The following ESCO1 variants were observed in gnomAD, a reference collection of about 807,000 sequenced individuals.
ESCO1 encodes establishment of sister chromatid cohesion N-acetyltransferase 1.
In ESCO1, 33 loss-of-function variants were observed where a neutral mutation model predicts 83.5. The observed-to-expected ratio is 0.40, with a 90% CI of 0.30 to 0.53. ESCO1 has a LOEUF of 0.53. ESCO1 is among the 20% of genes least tolerant of loss of function. ESCO1 has a pLI of 0.63. For synonymous variants in ESCO1, 332 were observed against 324.3 expected (o/e 1.02, Z -0.25); for missense variants, 855 against 968.0 (o/e 0.88, Z 1.55).
chr18:21,580,474 T>C (rs2038486929), intron 2 of ESCO1, among the ~76,000 whole-genome samples: 1 of 152,140 alleles, frequency 6.6e-6, no homozygotes, highest in Non-Finnish European at 1.5e-5. Context: ...GAGTCTAGAA[T>C]ATTTTTCAGA....
chr18:21,556,727 G>A (rs990908526), intron 8 of ESCO1, among the ~76,000 whole-genome samples: 2 of 151,830 alleles, frequency 1.3e-5, no homozygotes, highest in Admixed American at 6.6e-5. Context: ...TTGAGATGGA[G>A]TCTCGCTATG....
At chr18:21,582,676 A>G (rs1041777173) in intron 2 of ESCO1, among the ~76,000 whole-genome samples, 8 of 152,244 alleles carry the variant, frequency 5.3e-5, no homozygotes, top group African/African-American at 1.9e-4. Context: ...ATTTACAGGG[A>G]AACAACTACA....
chr18:21,579,797 C>A, intron 2 of ESCO1, among the ~76,000 whole-genome samples: 1 of 10,608 alleles, frequency 9.4e-5, no homozygotes, highest in African/African-American at 1.3e-4. Context: ...CGCGCGCGCA[C>A]ACACACACAC....
At chr18:21,553,790 G>A (rs1181137924) in intron 8 of ESCO1, among the ~76,000 whole-genome samples, 1 of 150,808 alleles carries the variant, frequency 6.6e-6, no homozygotes, top group African/African-American at 2.4e-5. Flanking sequence ...CCGAGAGGTG[G>A]AGGTTGCAGT....
intron 2 of ESCO1, among the ~76,000 whole-genome samples, chr18:21,579,802 A>ATG (rs1568109910): frequency 6.9e-5 from 4 of 58,260 alleles, no homozygotes; most frequent in African/African-American, 1.8e-4. Context: ...GCGCACACAC[A>ATG]CACACACACA....
At chr18:21,557,803 G>A (rs1484961007) in intron 8 of ESCO1, among the ~76,000 whole-genome samples, 2 of 152,134 alleles carry the variant, frequency 1.3e-5, no homozygotes, top group South Asian at 4.1e-4. Context: ...TTGCAACGTG[G>A]CTCAATATGT....
chr18:21,574,081 C>A lies in ESCO1; in HGVS notation c.763G>T (p.Val255Leu), dbSNP rs1471316781. 2 of 1,612,738 alleles carry A rather than the reference C, an allele frequency of 1.2e-6. No homozygotes were observed. Among genetic ancestry groups the A allele is most frequent in the Middle Eastern group, 1.6e-4 (1 of 6,084 alleles). The change falls in exon 4 of 12, where the codon GTG becomes TTG. Residue 255 changes from valine (V) to leucine (L), a missense_variant. This residue lies in a region of ESCO1 where 726 missense variants were observed against 699.5 expected (regional missense o/e 1.04). Transcript: ENST00000269214. ...TTCATCTCATTCTTTTTCGGGACCA[C>A]TGAAGTAGCCATTTTTGATCTTTTC... The part of the protein sequence containing the change: ...EVKRSKMATS[V>L]VPKKNEMKKS...
chr18:21,540,869 C>T (rs886336956), intron 8 of ESCO1, among the ~76,000 whole-genome samples: 1 of 152,048 alleles, frequency 6.6e-6, no homozygotes, highest in Non-Finnish European at 1.5e-5. Flanking sequence ...AAAGGCCTTT[C>T]CAGAAGCCAT....
At chr18:21,536,286 C>T (rs538070159) in intron 9 of ESCO1, 101 bp from the exon 10 acceptor site, 375 of 1,329,308 alleles carry the variant, frequency 2.8e-4, no homozygotes, top group Non-Finnish European at 3.6e-4. Context: ...CCAAGCAGGG[C>T]ATCCTCTAAA....
chr18:21,584,486 T>G (rs2038546202), intron 1 of ESCO1, 46 bp from the exon 2 acceptor site: 1 of 151,282 alleles, frequency 6.6e-6, no homozygotes, highest in African/African-American at 2.4e-5. Flanking sequence ...AACTGATACA[T>G]TAAAACAACT....
chr18:21,550,816 G>A (rs1210944254), intron 8 of ESCO1, among the ~76,000 whole-genome samples: 1 of 152,138 alleles, frequency 6.6e-6, no homozygotes, highest in Admixed American at 6.5e-5. Flanking sequence ...CCCAATAAAT[G>A]AAAAAGCACG....
At chr18:21,584,238 A>G (rs2038542454) in intron 2 of ESCO1, 72 bp downstream of exon 2, 1 of 152,166 alleles carries the variant, frequency 6.6e-6, no homozygotes, top group Non-Finnish European at 1.5e-5. Context: ...TTCTCTGAAA[A>G]TATAAAATAT....
chr18:21,541,380 G>T (rs973327593), intron 8 of ESCO1, among the ~76,000 whole-genome samples: 2 of 152,008 alleles, frequency 1.3e-5, no homozygotes, highest in Non-Finnish European at 2.9e-5. Flanking sequence ...AGATCACAAG[G>T]TCAGGAGATT....
chr18:21,545,632 A>T (rs866753366), intron 8 of ESCO1, among the ~76,000 whole-genome samples: 15 of 151,852 alleles, frequency 9.9e-5, no homozygotes, highest in Admixed American at 6.6e-5. Flanking sequence ...ATAGTAATTT[A>T]AAAAGTTAAG....
chr18:21,567,948 A>G, intron 5 of ESCO1, 32 bp downstream of exon 5: 1 of 1,529,642 alleles, frequency 6.5e-7, no homozygotes, highest in Non-Finnish European at 9.0e-7. Context: ...ACTGAAGACT[A>G]TGAAATCCAA....
intron 1 of ESCO1, among the ~76,000 whole-genome samples, chr18:21,588,099 C>CAAAAAAAAAAAAAAAAAA (rs200101799): frequency 1.2e-5 from 1 of 82,672 alleles, no homozygotes. Context: ...GGATCCATCT[C>CAAAAAAAAAAAAAAAAAA]AAAAAAAAAA....
Position 21,560,971 on chromosome 18 carries a change from A to T in ESCO1, c.1841T>A (p.Phe614Tyr), listed in dbSNP as rs772451105. The T allele has an allele frequency of 6.3e-7, 1 of 1,593,224 alleles. No individual in the cohort carries two copies. Residue 614 changes from phenylalanine to tyrosine, a missense_variant, in exon 8 of 12, where the codon TTT (phenylalanine) becomes TAT (tyrosine). Phe to Tyr is a conservative substitution (Grantham distance 22). Around this residue, in one of 2 missense-constraint regions of ESCO1, gnomAD observed 726 missense variants for 699.5 expected, o/e 1.04. Transcript: ENST00000269214. ...QLIIDAGQKR[F>Y]GAVSCNVCGM... The stretch of plus-strand genomic sequence containing the variant: ...ACAAACATTACAAGAAACTGCTCCA[A>T]ATCTTTTTTGTCCTGCATCCTATTT...
Position 21,544,090 on chromosome 18 carries a change from G to A in ESCO1, c.1954-4081C>T, listed in dbSNP as rs542545356. 8.6e-5 allele frequency among the ~76,000 whole-genome samples: 13 copies of A among 151,922 alleles called. No individual in the cohort carries two copies. The East Asian group carries it at 1.4e-3, about 16-fold the overall frequency. ...AGATCGAGACCATCCTGGCTAACAC[G>A]GTGAAACCCTGTCTCTACTAAAAAT... On this transcript the variant is annotated intron_variant, in intron 8 of 11. Coordinates refer to ENST00000269214, the MANE Select transcript of ESCO1 (RefSeq NM_052911.3).
intron 2 of ESCO1, among the ~76,000 whole-genome samples, chr18:21,581,724 T>C (rs987496951): frequency 3.3e-5 from 5 of 152,098 alleles, no homozygotes; most frequent in African/African-American, 1.2e-4. Context: ...TGAAAATAGA[T>C]TACTCAACAA....
Sources: allele counts gnomAD v4.1 joint callset (sites outside exome capture counted in the v4.1 genomes callset), GRCh38; gene constraint gnomAD v4.1.1; regional missense constraint gnomAD v4.1.1; transcripts MANE v1.5; gene names NCBI Gene and HGNC (gene_info 2026-07-23, HGNC 2026-07-21).